SESN3: variants seen among roughly 807,000 people sequenced by gnomAD.
SESN3 encodes sestrin-3.
SESN3 carries 21 observed loss-of-function variants against 55.3 expected under a neutral mutation model. The ratio of observed to expected loss-of-function variants is 0.38; its 90% CI spans 0.27 to 0.55. SESN3 has a LOEUF of 0.55. SESN3 is among the 20% of genes least tolerant of loss of function. SESN3 has a pLI of 0.76. For missense variants in SESN3, 408 were observed against 604.3 expected (o/e 0.68, Z 3.41); for synonymous variants, 181 against 203.1 (o/e 0.89, Z 0.93).
rs34619858 is a variant in SESN3, at chr11:95,206,802, AT to A, written c.79-13281del. Among the ~76,000 whole-genome samples the A allele has an allele frequency of 4.0e-3, 574 of 145,180 alleles. 5 individuals are homozygous for A. The highest frequency in any genetic ancestry group is 0.011 in the African/African-American group (424 of 39,988). ...TCATTCATATCACCTAAACATTACT[AT>A]TTTTTTTTTTTAGACGGAATCTTGC... On this transcript the variant is annotated intron_variant, in intron 1 of 9. Coordinates refer to ENST00000536441, the MANE Select transcript of SESN3 (RefSeq NM_144665.4).
chr11:95,197,007 A>T (rs1860373352), intron 1 of SESN3, among the ~76,000 whole-genome samples: 1 of 152,184 alleles, frequency 6.6e-6, no homozygotes, highest in Non-Finnish European at 1.5e-5. Context: ...GAAGAAAAAA[A>T]ACTATCAGCC....
chr11:95,185,609 T>C (rs905155657), intron 4 of SESN3, 117 bp from the exon 5 acceptor site: 4 of 689,578 alleles, frequency 5.8e-6, no homozygotes, highest in African/African-American at 5.4e-5. Context: ...CTTAAAACTC[T>C]CTTTTAAAAA....
chr11:95,186,902 T>A (rs868826867), intron 4 of SESN3, among the ~76,000 whole-genome samples: 1 of 151,868 alleles, frequency 6.6e-6, no homozygotes, highest in Non-Finnish European at 1.5e-5. Context: ...CCACAAAATA[T>A]ACTAAATGGT....
At chr11:95,214,916 T>C (rs979301988) in intron 1 of SESN3, among the ~76,000 whole-genome samples, 4 of 152,140 alleles carry the variant, frequency 2.6e-5, no homozygotes. Context: ...AATTCCTTTT[T>C]CCCCAAGCTA....
intron 1 of SESN3, among the ~76,000 whole-genome samples, chr11:95,199,769 C>T (rs1259801240): frequency 6.6e-6 from 1 of 151,874 alleles, no homozygotes; most frequent in Non-Finnish European, 1.5e-5. Context: ...TTTCTATCCA[C>T]TAAAATGTAA....
At chr11:95,221,108 G>A (rs1860848997) in intron 1 of SESN3, among the ~76,000 whole-genome samples, 3 of 152,250 alleles carry the variant, frequency 2.0e-5, no homozygotes, top group African/African-American at 7.2e-5. Flanking sequence ...TTCGAAGCCA[G>A]CGTGGCCAAC....
At chr11:95,190,023 T>C in intron 3 of SESN3, 62 bp from the exon 4 acceptor site, 1 of 1,260,542 alleles carries the variant, frequency 7.9e-7, no homozygotes, top group South Asian at 1.5e-5. Flanking sequence ...TTTCCACTAT[T>C]TCTAAACAAA....
At chr11:95,174,484 C>T (rs1340482506) in intron 9 of SESN3, among the ~76,000 whole-genome samples, 1 of 152,022 alleles carries the variant, frequency 6.6e-6, no homozygotes, top group Admixed American at 6.6e-5. Context: ...GGGTAAAAAT[C>T]TATTGTCTTT....
rs1465293143 is a variant in SESN3 at position 95,175,707 on chromosome 11, C to A, written c.1248-65G>T. 6.0e-6 allele frequency: 8 copies of A among 1,333,688 alleles called. No homozygotes were observed. In the East Asian group the frequency reaches 7.0e-5, roughly 12 times the overall value. 82.6% of individuals were successfully genotyped at this position (1,333,688 alleles called of 1,614,324 possible). On this transcript the variant is annotated intron_variant, in intron 8 of 9. Transcript: ENST00000536441. The stretch of plus-strand genomic sequence containing the variant: ...AAAATATTTAGTTTCCAAAGTTATA[C>A]TAAGGACATTTATTGTCTAGTAATT...
In SESN3 at chr11:95,175,791, G is replaced by T; in HGVS notation, c.1248-149C>A. 4 of 651,704 alleles carry T rather than the reference G, an allele frequency of 6.1e-6. No individual in the cohort carries two copies. In the South Asian group the frequency reaches 8.0e-5, roughly 13 times the overall value. 40.4% of individuals were successfully genotyped at this position (651,704 alleles called of 1,614,324 possible). On this transcript the variant is annotated intron_variant, in intron 8 of 9. Transcript: ENST00000536441. ...CAAATGTTTACTGAGTACCCATTATGTGCCATGAGTACTCAGTAGTAGTGA... is the reference window on the plus strand; with the variant it reads ...CAAATGTTTACTGAGTACCCATTATTTGCCATGAGTACTCAGTAGTAGTGA...
chr11:95,168,832 A>T lies in SESN3; in HGVS notation c.*4423T>A, dbSNP rs1275590542. 2 of 152,488 alleles carry T rather than the reference A, an allele frequency of 1.3e-5. No individual in the cohort carries two copies. Among genetic ancestry groups the T allele is most frequent in the Non-Finnish European group, 2.9e-5 (2 of 68,154 alleles). The allele number at this position is 152,488 out of a possible 1,614,324, so 9.4% of individuals were successfully genotyped here. A position where few individuals can be genotyped will look rare whatever the true frequency, so the allele number is the denominator to read the frequency against. On this transcript the variant is annotated 3_prime_UTR_variant, in exon 10 of 10. Coordinates refer to ENST00000536441, the MANE Select transcript of SESN3 (RefSeq NM_144665.4). ...TGGATTGTGAAAGCTGCTTAGACCAAGATGGGCTGAGGGAAGGGGAGGAGA... is the reference window on the plus strand; with the variant it reads ...TGGATTGTGAAAGCTGCTTAGACCATGATGGGCTGAGGGAAGGGGAGGAGA...
intron 7 of SESN3, 142 bp downstream of exon 7, chr11:95,178,568 T>C: frequency 3.3e-6 from 2 of 602,496 alleles, no homozygotes; most frequent in Non-Finnish European, 5.9e-6. Context: ...GGAACTCCAA[T>C]TAGATTAGGC....
intron 1 of SESN3, among the ~76,000 whole-genome samples, chr11:95,226,718 T>C (rs144018541): frequency 1.2e-4 from 18 of 152,234 alleles, no homozygotes; most frequent in Admixed American, 8.5e-4. Context: ...GCAGAACAAA[T>C]TGTAATTCAA....
intron 1 of SESN3, among the ~76,000 whole-genome samples, chr11:95,212,618 T>G (rs1860678554): frequency 6.6e-6 from 1 of 152,136 alleles, no homozygotes; most frequent in Non-Finnish European, 1.5e-5. Flanking sequence ...ATCTCTTGAA[T>G]TCATAATTAA....
chr11:95,218,647 C>CTTTTTT (rs68150878), intron 1 of SESN3, among the ~76,000 whole-genome samples: 1 of 122,060 alleles, frequency 8.2e-6, no homozygotes, highest in African/African-American at 2.9e-5. Flanking sequence ...GATTTACCCT[C>CTTTTTT]TTTTTTTTTT....
At position 95,165,514 on chromosome 11, in the gene SESN3, C is replaced by G. The variant is rs1859728244; in HGVS notation, c.*7741G>C. ...AAATAAACCAAGCGAGAATGCTACT[C>G]CAGTATAAACAAAGTAGGCAAATGA... On this transcript the variant is annotated 3_prime_UTR_variant, in exon 10 of 10. Coordinates refer to ENST00000536441, the MANE Select transcript of SESN3 (RefSeq NM_144665.4). The G allele has an allele frequency of 6.6e-6, 1 of 152,026 alleles. No individual in the cohort carries two copies. Among genetic ancestry groups the G allele is most frequent in the African/African-American group, 2.4e-5 (1 of 41,414 alleles). 9.4% of individuals were successfully genotyped at this position (152,026 alleles called of 1,614,324 possible). A position where few individuals can be genotyped will look rare whatever the true frequency, so the allele number is the denominator to read the frequency against.
At chr11:95,210,191 G>A (rs950846276) in intron 1 of SESN3, among the ~76,000 whole-genome samples, 4 of 151,144 alleles carry the variant, frequency 2.6e-5, no homozygotes, top group Admixed American at 2.6e-4. Context: ...CACAGGGAGG[G>A]GAATATCATA....
chr11:95,226,631 T>C (rs1860952789), intron 1 of SESN3, among the ~76,000 whole-genome samples: 1 of 152,180 alleles, frequency 6.6e-6, no homozygotes, highest in Admixed American at 6.5e-5. Flanking sequence ...AAAAAGCCAG[T>C]TCCTTCACAA....
chr11:95,194,604 CTT>C (rs1860327684), intron 1 of SESN3, among the ~76,000 whole-genome samples: 2 of 151,928 alleles, frequency 1.3e-5, no homozygotes, highest in African/African-American at 4.8e-5. Flanking sequence ...TCAGAAATAA[CTT>C]TATATTTCTA....
Sources: allele counts gnomAD v4.1 joint callset (sites outside exome capture counted in the v4.1 genomes callset), GRCh38; gene constraint gnomAD v4.1.1; transcripts MANE v1.5; gene names NCBI Gene and HGNC (gene_info 2026-07-23, HGNC 2026-07-21).